Variants in DBN1 observed in about 807,000 individuals in gnomAD.
The protein encoded by DBN1 is drebrin.
Under a neutral mutation model 83.5 loss-of-function variants are expected in DBN1, and 21 were observed. The observed-to-expected ratio is 0.25, with a 90% CI of 0.18 to 0.36. The LOEUF is 0.36. Among genes scored for constraint, DBN1 ranks in the 10% least tolerant of loss-of-function variants. The pLI is 1.00. For synonymous variants in DBN1, 381 were observed against 384.9 expected (o/e 0.99, Z 0.12); for missense variants, 874 against 935.7 (o/e 0.93, Z 0.86).
Position 177,457,316 on chromosome 5 carries a change from G to A in DBN1, c.*117C>T. Reference sequence around the variant, plus strand: ...GCGGCCAAGTCCCCAGCCAGGGCCGGAATCCGGAGTGGGTGCCAGGCGGAG... The same window carrying A: ...GCGGCCAAGTCCCCAGCCAGGGCCGAAATCCGGAGTGGGTGCCAGGCGGAG... On this transcript the variant is annotated 3_prime_UTR_variant, in exon 15 of 15. Transcript: ENST00000393565. 2 of 841,430 alleles carry A rather than the reference G, an allele frequency of 2.4e-6. No individual in the cohort carries two copies. The highest frequency in any genetic ancestry group is 4.1e-6 in the Non-Finnish European group (2 of 493,612). The allele number at this position is 841,430 out of a possible 1,614,324, so 52.1% of individuals were successfully genotyped here.
At chr5:177,457,980 G>T (rs766985987) in intron 13 of DBN1, 78 bp downstream of exon 13, 5 of 1,577,558 alleles carry the variant, frequency 3.2e-6, no homozygotes, top group South Asian at 1.1e-5. Flanking sequence ...ACTGGTGCAA[G>T]CATGAGGAAT....
intron 8 of DBN1, among the ~76,000 whole-genome samples, chr5:177,463,616 G>A (rs1757200681): frequency 1.3e-5 from 2 of 152,206 alleles, no homozygotes; most frequent in African/African-American, 4.8e-5. Context: ...CCCTTCCTTA[G>A]AGGACCTGAA....
Position 177,459,722 on chromosome 5 carries a change from A to T in DBN1, c.974T>A (p.Phe325Tyr), listed in dbSNP as rs772618863. 1.9e-6 allele frequency: 3 copies of T among 1,563,118 alleles called. No individual in the cohort carries two copies. Among genetic ancestry groups the T allele is most frequent in the African/African-American group, 1.4e-5 (1 of 73,336 alleles). ...AGGCCCACTGTCCGATGCCTTTATG[A>T]AAGGGCAGTACGGACGACCTGCCGA... ...NHRPGRPYCP[F>Y]IKASDSGPSS... Residue 325 changes from phenylalanine (F) to tyrosine (Y), a missense_variant, in exon 11 of 15, where the codon TTC becomes TAC. Physicochemically the swap from Phe to Tyr is conservative, Grantham distance 22 (BLOSUM62 3). This residue lies in a region of DBN1 where 725 missense variants were observed against 719.7 expected (regional missense o/e 1.01). Coordinates refer to ENST00000393565, the MANE Select transcript of DBN1 (RefSeq NM_001363541.2).
At position 177,456,681 on chromosome 5, in the gene DBN1, A is replaced by AG. The variant is rs1267488538; in HGVS notation, c.*751_*752insC. The AG allele has an allele frequency of 1.1e-5, 1 of 93,314 alleles. No individual in the cohort carries two copies. The highest frequency in any genetic ancestry group is 3.4e-5 in the African/African-American group (1 of 29,496). The allele number at this position is 93,314 out of a possible 1,614,324, so 5.8% of individuals were successfully genotyped here. ...CAGAAGTTTGTGCTTTCCAAAAAAAAAAAAAAAAAAAAAAAAAAAACAGTT... is the reference window on the plus strand; with the variant it reads ...CAGAAGTTTGTGCTTTCCAAAAAAAAGAAAAAAAAAAAAAAAAAAAACAGTT... On this transcript the variant is annotated 3_prime_UTR_variant, in exon 15 of 15. Coordinates refer to ENST00000393565, the MANE Select transcript of DBN1 (RefSeq NM_001363541.2).
At chr5:177,460,408 A>G in intron 10 of DBN1, 24 bp downstream of exon 10, 1 of 1,612,652 alleles carries the variant, frequency 6.2e-7, no homozygotes, top group African/African-American at 1.3e-5. Flanking sequence ...GTGGGGCCGG[A>G]CGGGGGGTGG....
At position 177,460,501 on chromosome 5, in the gene DBN1, G is replaced by T. The variant is rs759018794; in HGVS notation, c.886C>A (p.Gln296Lys). The T allele has an allele frequency of 6.2e-7, 1 of 1,614,172 alleles. No individual in the cohort carries two copies. Among genetic ancestry groups the T allele is most frequent in the Non-Finnish European group, 8.5e-7 (1 of 1,180,026 alleles). ...RPDNPREFFKQQERVASASAG... is the reference protein window; with the variant it reads ...RPDNPREFFKKQERVASASAG... ...GAGGCCGATGCGACTCTTTCCTGCTGCTTGAAGAACTCCCTTGGGTTGTCA... is the reference window on the plus strand; with the variant it reads ...GAGGCCGATGCGACTCTTTCCTGCTTCTTGAAGAACTCCCTTGGGTTGTCA... Residue 296 changes from glutamine to lysine, a missense_variant, in exon 10 of 15, where the codon CAG becomes AAG. Gln to Lys is a moderately conservative substitution (Grantham distance 53, BLOSUM62 1). This residue lies in a region of DBN1 where 725 missense variants were observed against 719.7 expected (regional missense o/e 1.01). Transcript: ENST00000393565.
At chr5:177,463,119 C>T (rs1757165550) in intron 8 of DBN1, among the ~76,000 whole-genome samples, 1 of 151,310 alleles carries the variant, frequency 6.6e-6, no homozygotes, top group Admixed American at 6.6e-5. Context: ...TCACTGCAAG[C>T]TCCGCCTCCC....
chr5:177,458,670 C>G lies in DBN1; in HGVS notation c.1302G>C (p.Glu434Asp). 2 of 1,568,216 alleles carry G rather than the reference C, an allele frequency of 1.3e-6. No homozygotes were observed. Among genetic ancestry groups the G allele is most frequent in the African/African-American group, 1.4e-5 (1 of 73,580 alleles). Reference protein sequence around the residue: ...QEPSPILDSEETRAAAPQAWA... With the variant: ...QEPSPILDSEDTRAAAPQAWA... ...AGGCCTGAGGGGCTGCTGCTCTGGT[C>G]TCCTCACTGTCTAGGATGGGGCTGG... Residue 434 changes from glutamate to aspartate, a missense_variant, in exon 13 of 15, where the codon GAG becomes GAC. By Grantham distance (45) the Glu-to-Asp change is conservative. Around this residue, in one of 4 missense-constraint regions of DBN1, gnomAD observed 725 missense variants for 719.7 expected, o/e 1.01. Transcript: ENST00000393565.
rs1203980696 is a variant in DBN1 at position 177,467,402 on chromosome 5, A to C, written c.478-70T>G. The stretch of plus-strand genomic sequence containing the variant: ...GAACCCCCGACACCTAAAGGGTGAG[A>C]GCTAAGAGGGACCGGGCAGGCCAGA... On this transcript the variant is annotated intron_variant, in intron 5 of 14. Coordinates refer to ENST00000393565, the MANE Select transcript of DBN1 (RefSeq NM_001363541.2). The surrounding 1 kb of genome is among the most constrained non-coding windows in gnomAD (Gnocchi z 9.1). 2 of 1,613,586 alleles carry C rather than the reference A, an allele frequency of 1.2e-6. No individual in the cohort carries two copies. The highest frequency in any genetic ancestry group is 1.7e-6 in the Non-Finnish European group (2 of 1,179,614).
At chr5:177,464,833 G>C (rs977227313) in intron 8 of DBN1, among the ~76,000 whole-genome samples, 1 of 150,986 alleles carries the variant, frequency 6.6e-6, no homozygotes, top group Non-Finnish European at 1.5e-5. Flanking sequence ...CCAGCTACTT[G>C]GGAGGCTGAG....
chr5:177,469,787 C>G (rs548899492), intron 1 of DBN1, among the ~76,000 whole-genome samples: 5 of 152,336 alleles, frequency 3.3e-5, no homozygotes, highest in African/African-American at 1.2e-4. Flanking sequence ...CATGCAGGCC[C>G]AGGCTGAGGA....
intron 8 of DBN1, among the ~76,000 whole-genome samples, chr5:177,461,598 G>A (rs564682625): frequency 1.3e-5 from 2 of 152,264 alleles, no homozygotes; most frequent in East Asian, 3.9e-4. Context: ...CTAAGCAGGT[G>A]CCTAGGGCCC....
At chr5:177,472,145 G>T (rs369476395) in intron 1 of DBN1, 5 of 1,612,442 alleles carry the variant, frequency 3.1e-6, no homozygotes, top group Admixed American at 1.7e-5. Flanking sequence ...CTTGTCTCTC[G>T]CGTCCATCCC....
chr5:177,459,590 GGCT>G lies in DBN1; in HGVS notation c.1093+10_1093+12del, dbSNP rs1288050247. 2.7e-6 allele frequency: 4 copies of G among 1,505,022 alleles called. No individual in the cohort carries two copies. Among genetic ancestry groups the G allele is most frequent in the Non-Finnish European group, 3.6e-6 (4 of 1,122,446 alleles). The allele number at this position is 1,505,022 out of a possible 1,614,324, so 93.2% of individuals were successfully genotyped here. ...CCTTACCACCCCCGCCGAGGCCTGGGGCTGCTACCTACATGGGAGGGAGGAAGA... is the reference window on the plus strand; with the variant it reads ...CCTTACCACCCCCGCCGAGGCCTGGGGCTACCTACATGGGAGGGAGGAAGA... On this transcript the variant is annotated intron_variant, in intron 11 of 14. Transcript: ENST00000393565.
chr5:177,471,873 T>C (rs1257680831), intron 1 of DBN1, among the ~76,000 whole-genome samples: 1 of 152,034 alleles, frequency 6.6e-6, no homozygotes, highest in East Asian at 1.9e-4. Flanking sequence ...ACCAGAGCTC[T>C]GCTTTTAGGA....
chr5:177,460,838 G>T, intron 8 of DBN1, 135 bp from the exon 9 acceptor site: 1 of 867,750 alleles, frequency 1.2e-6, no homozygotes, highest in Non-Finnish European at 1.8e-6. Context: ...GGGGAGCAGT[G>T]GTACAATCAC....
chr5:177,473,578 G>C lies in DBN1; in HGVS notation c.-57C>G. On this transcript the variant is annotated 5_prime_UTR_variant, in exon 1 of 15. Transcript: ENST00000393565. ...CGCGCGGACGGACGGGCGGACGGAG[G>C]AGGAGGGAGGGAAAGAGGGAGTCGC... The C allele has an allele frequency of 8.2e-7, 1 of 1,215,162 alleles. No homozygotes were observed. The highest frequency in any genetic ancestry group is 1.1e-6 in the Non-Finnish European group (1 of 945,718). 75.3% of individuals were successfully genotyped at this position (1,215,162 alleles called of 1,614,324 possible).
In DBN1 at chr5:177,459,089, C is replaced by G. The variant is rs922526617; in HGVS notation, c.1264+9G>C. ...GGGAGGCCTGGTGCAGGTAGCATCC[C>G]TCTCTCACCTTGGGCTGGTGGGGGT... is the stretch of plus-strand genomic sequence containing the variant. On this transcript the variant is annotated intron_variant, in intron 12 of 14. Coordinates refer to ENST00000393565, the MANE Select transcript of DBN1 (RefSeq NM_001363541.2). 1 of 1,598,666 alleles carries G rather than the reference C, an allele frequency of 6.3e-7. No individual in the cohort carries two copies. Among genetic ancestry groups the G allele is most frequent in the East Asian group, 2.3e-5 (1 of 44,366 alleles).
In DBN1 at chr5:177,458,054, G is replaced by A. The variant is rs115828652; in HGVS notation, c.1914+4C>T. On this transcript the variant is annotated splice_donor_region_variant and intron_variant, in intron 13 of 14. Transcript: ENST00000393565. ...TCCCTCCCACCAGGCAGTCCCTGCC[G>A]CACCTGGGTCCCCTCCTTCTGGGTG... 1.2e-3 allele frequency: 1,943 copies of A among 1,613,106 alleles called. 16 individuals are homozygous for A. The African/African-American group carries it at 0.021, about 17-fold the overall frequency.
Sources: gnomAD v4.1 joint callset for allele counts (sites outside exome capture counted in the v4.1 genomes callset) on GRCh38, gnomAD v4.1.1 for gene constraint, gnomAD v4.1.1 regional missense constraint, Gnocchi (gnomAD v3.1) non-coding constraint, MANE v1.5 for transcripts, NCBI Gene and HGNC (gene_info 2026-07-23, HGNC 2026-07-21) for gene names.